PCDH7: variants seen among roughly 807,000 people sequenced by gnomAD.
The protein encoded by PCDH7 is protocadherin 7, also known as protocadherin-7.
A neutral mutation model predicts 58.9 loss-of-function variants in PCDH7; 17 were observed. The ratio of observed to expected loss-of-function variants is 0.29; its 90% confidence interval spans 0.20 to 0.43. PCDH7 has a LOEUF of 0.43. Ranked by LOEUF, PCDH7 falls within the 20% of genes least tolerant of loss-of-function variation. The probability of loss-of-function intolerance (pLI) is 1.00; values close to 1 mark genes in which losing one functional copy is unlikely to be tolerated. For synonymous variants in PCDH7, 664 were observed against 616.4 expected (o/e 1.08, Z -1.14); for missense variants, 1,274 against 1,441.0 (o/e 0.88, Z 1.88).
chr4:30,999,496 C>T (rs1375609998), intron 3 of PCDH7, among the ~76,000 whole-genome samples: 8 of 151,964 alleles, frequency 5.3e-5, no homozygotes, highest in African/African-American at 1.9e-4. Context: ...ACCAAATTGT[C>T]GCCTGAAAAT....
At chr4:30,827,378 C>G (rs375358758) in intron 1 of PCDH7, among the ~76,000 whole-genome samples, 10 of 152,060 alleles carry the variant, frequency 6.6e-5, no homozygotes, top group Non-Finnish European at 1.3e-4. Flanking sequence ...GGCTGGGACA[C>G]AAACCCAAGT....
chr4:31,050,462 A>G (rs1289644441), intron 3 of PCDH7, among the ~76,000 whole-genome samples: 1 of 152,130 alleles, frequency 6.6e-6, no homozygotes, highest in African/African-American at 2.4e-5. Context: ...ATAAAACTAT[A>G]TATACTCAGA....
chr4:31,142,985 C>A, downstream of PCDH7: 3 of 502,842 alleles, frequency 6.0e-6, no homozygotes, highest in South Asian at 5.7e-5. Context: ...ACTTCTGCCT[C>A]CAGATCAGGC....
intron 3 of PCDH7, among the ~76,000 whole-genome samples, chr4:31,067,233 G>A (rs1045669919): frequency 6.6e-6 from 1 of 151,918 alleles, no homozygotes; most frequent in East Asian, 1.9e-4. Flanking sequence ...CCATGAATCT[G>A]TGTTTTTTAC....
exon 4 of PCDH7, chr4:31,142,566 G>A (rs748541600): frequency 2.2e-6 from 3 of 1,367,676 alleles, no homozygotes; most frequent in Non-Finnish European, 2.0e-6. Context: ...ATGCCGGTCC[G>A]CACTTCTCCG....
At chr4:30,735,131 G>A (rs1445589489), downstream of PCDH7, among the ~76,000 whole-genome samples, 1 of 151,852 alleles carries the variant, frequency 6.6e-6, no homozygotes, top group Non-Finnish European at 1.5e-5. Context: ...ATTTTGAGGG[G>A]GTATGAAGAA....
In PCDH7 at chr4:30,901,122, A is replaced by G. The variant is rs545050908; in HGVS notation, c.71-19031A>G. ...ATGTACGATAGCTTTAAAAAACAAC[A>G]CCCAGCCATTTTCACAGAGTAAATA... On this transcript the variant is annotated intron_variant, in intron 1 of 3. Coordinates refer to the PCDH7 transcript ENST00000509759. 3.3e-5 allele frequency among the ~76,000 whole-genome samples: 5 copies of G among 152,218 alleles called. No homozygotes were observed. In the East Asian group the frequency reaches 9.7e-4, roughly 29 times the overall value.
At chr4:31,094,610 T>C (rs1578779738) in intron 3 of PCDH7, among the ~76,000 whole-genome samples, 1 of 152,218 alleles carries the variant, frequency 6.6e-6, no homozygotes, top group African/African-American at 2.4e-5. Context: ...CATCCAGCAG[T>C]GGGACTGGGA....
chr4:31,041,784 A>T (rs1451217630), intron 3 of PCDH7, among the ~76,000 whole-genome samples: 1 of 151,600 alleles, frequency 6.6e-6, no homozygotes, highest in Non-Finnish European at 1.5e-5. Flanking sequence ...AATGCCACCA[A>T]CTGGCTTGGG....
chr4:30,791,958 C>A (rs1186302564), intron 1 of PCDH7, among the ~76,000 whole-genome samples: 1 of 152,156 alleles, frequency 6.6e-6, no homozygotes, highest in East Asian at 1.9e-4. Flanking sequence ...ATTATGATAA[C>A]CATTTCACAA....
At chr4:30,984,467 T>C (rs968916583) in intron 3 of PCDH7, among the ~76,000 whole-genome samples, 7 of 152,344 alleles carry the variant, frequency 4.6e-5, no homozygotes, top group Non-Finnish European at 1.0e-4. Context: ...TTCTCAGGTC[T>C]TTAGTTTCTT....
chr4:30,858,126 C>G (rs1196584447), intron 1 of PCDH7, among the ~76,000 whole-genome samples: 1 of 152,122 alleles, frequency 6.6e-6, no homozygotes, highest in Admixed American at 6.6e-5. Context: ...ATTCATATGG[C>G]CATACATCAC....
intron 1 of PCDH7, among the ~76,000 whole-genome samples, chr4:30,914,613 A>G (rs1424861787): frequency 1.3e-5 from 2 of 152,210 alleles, no homozygotes; most frequent in Non-Finnish European, 2.9e-5. Flanking sequence ...AATTCTATTT[A>G]GAAGCTTTAC....
intron 3 of PCDH7, among the ~76,000 whole-genome samples, chr4:30,985,051 C>T (rs1457354238): frequency 6.6e-6 from 1 of 152,146 alleles, no homozygotes; most frequent in Admixed American, 6.5e-5. Flanking sequence ...ACTGCAACCT[C>T]CGCCTCGCGG....
intron 1 of PCDH7, among the ~76,000 whole-genome samples, chr4:30,810,880 G>C (rs145731480): frequency 6.6e-6 from 1 of 152,154 alleles, no homozygotes. Flanking sequence ...AACGTGCTGA[G>C]ATTACAGGTG....
chr4:30,834,490 C>G (rs1730221945), intron 1 of PCDH7, among the ~76,000 whole-genome samples: 1 of 152,070 alleles, frequency 6.6e-6, no homozygotes, highest in South Asian at 2.1e-4. Flanking sequence ...TGCTTTGAAC[C>G]ACTTCACTCT....
chr4:30,790,614 G>A (rs976591413), intron 1 of PCDH7, among the ~76,000 whole-genome samples: 2 of 152,150 alleles, frequency 1.3e-5, no homozygotes, highest in African/African-American at 4.8e-5. Context: ...TGATATAGAA[G>A]ATCTGCTTTA....
intron 3 of PCDH7, among the ~76,000 whole-genome samples, chr4:31,077,573 A>G (rs557787100): frequency 1.3e-5 from 2 of 152,174 alleles, no homozygotes; most frequent in African/African-American, 2.4e-5. Context: ...AATGTTTTAA[A>G]TGTTTAGCTC....
intron 3 of PCDH7, among the ~76,000 whole-genome samples, chr4:31,007,995 A>G (rs187814014): frequency 1.3e-5 from 2 of 152,220 alleles, no homozygotes; most frequent in Admixed American, 6.6e-5. Flanking sequence ...GCAGCATGAC[A>G]TGGGGTAGGA....
Sources: allele counts gnomAD v4.1 joint callset (sites outside exome capture counted in the v4.1 genomes callset), GRCh38; gene constraint gnomAD v4.1.1; transcripts MANE v1.5; gene names NCBI Gene and HGNC (gene_info 2026-07-23, HGNC 2026-07-21).